The following CDH13 variants were observed in gnomAD, a reference collection of about 807,000 sequenced individuals.
CDH13 encodes the protein cadherin-13.
Under a neutral mutation model 63.8 loss-of-function variants are expected in CDH13, and 24 were observed. The observed-to-expected ratio is 0.38, with a 90% CI of 0.27 to 0.53. CDH13 has a LOEUF of 0.53. Among genes scored for constraint, CDH13 ranks in the 20% least tolerant of loss-of-function variants. CDH13 has a pLI of 0.85. For missense variants in CDH13, 1,049 were observed against 903.1 expected, an observed-to-expected ratio of 1.16 and a Z score of -2.07; for synonymous variants, 503 against 355.3, an observed-to-expected ratio of 1.42 and a Z score of -4.67.
At chr16:83,301,492 A>T (rs971761199) in intron 5 of CDH13, among the ~76,000 whole-genome samples, 1 of 152,092 alleles carries the variant, frequency 6.6e-6, no homozygotes, top group South Asian at 2.1e-4. Context: ...TGATGCTGCC[A>T]CATGTGTCAG....
chr16:83,015,604 A>G (rs1175448891), intron 2 of CDH13, among the ~76,000 whole-genome samples: 1 of 142,966 alleles, frequency 7.0e-6, no homozygotes, highest in Non-Finnish European at 1.5e-5. Flanking sequence ...TCTGTGATTC[A>G]TTATCGTAAA....
At chr16:83,029,020 C>G (rs1445968917) in intron 2 of CDH13, among the ~76,000 whole-genome samples, 1 of 152,192 alleles carries the variant, frequency 6.6e-6, no homozygotes, top group African/African-American at 2.4e-5. Context: ...CCTCAGTTTC[C>G]TTATCTAGAA....
At chr16:82,910,702 T>G (rs2041803637) in intron 2 of CDH13, among the ~76,000 whole-genome samples, 1 of 152,210 alleles carries the variant, frequency 6.6e-6, no homozygotes, top group Non-Finnish European at 1.5e-5. Context: ...TTGGTGGCCA[T>G]GTGACATTGT....
At chr16:83,541,627 A>G (rs548234023) in intron 7 of CDH13, among the ~76,000 whole-genome samples, 2 of 152,320 alleles carry the variant, frequency 1.3e-5, no homozygotes, top group South Asian at 4.1e-4. Context: ...AAGGACTCCA[A>G]AGGTCTAGAG....
intron 2 of CDH13, among the ~76,000 whole-genome samples, chr16:82,952,171 C>T (rs2151324880): frequency 6.6e-6 from 1 of 152,330 alleles, no homozygotes; most frequent in South Asian, 2.1e-4. Context: ...CTTTGAAGAA[C>T]TGGTCTCTTG....
intron 1 of CDH13, among the ~76,000 whole-genome samples, chr16:82,701,059 C>G (rs1372573781): frequency 1.3e-5 from 2 of 148,808 alleles, no homozygotes; most frequent in African/African-American, 2.5e-5. Flanking sequence ...CTCCATGAGT[C>G]AGTTCCTCTT....
chr16:83,195,831 G>A (rs1234283704), intron 4 of CDH13, among the ~76,000 whole-genome samples: 1 of 152,182 alleles, frequency 6.6e-6, no homozygotes, highest in Admixed American at 6.5e-5. Context: ...GTGTCCAACT[G>A]CTTCTTAGTA....
intron 7 of CDH13, among the ~76,000 whole-genome samples, chr16:83,501,436 C>G (rs2074281199): frequency 7.8e-6 from 1 of 128,592 alleles, no homozygotes; most frequent in South Asian, 2.9e-4. Context: ...CTCTAGCATT[C>G]TGGAATAAGC....
At chr16:82,818,570 G>A (rs1274527035) in intron 1 of CDH13, among the ~76,000 whole-genome samples, 3 of 152,130 alleles carry the variant, frequency 2.0e-5, no homozygotes, top group African/African-American at 7.2e-5. Flanking sequence ...TTAGAAAGGG[G>A]TGGGGAAGCA....
rs113761060 is a variant in CDH13, at chr16:82,755,994, G to A, written c.46-102368G>A. Among the ~76,000 whole-genome samples the A allele has an allele frequency of 3.9e-3, 601 of 152,288 alleles. 5 individuals are homozygous for A. Among genetic ancestry groups the A allele is most frequent in the African/African-American group, 0.013 (557 of 41,564 alleles). On this transcript the variant is annotated intron_variant, in intron 1 of 13. Coordinates refer to ENST00000567109, the MANE Select transcript of CDH13 (RefSeq NM_001257.5). The stretch of plus-strand genomic sequence containing the variant: ...TTAGGCAGAAAAGAAGTTGCAGAGC[G>A]TTCTAGGAGGAGTGAAATACTTGAG...
At chr16:82,783,966 T>A (rs2035886695) in intron 1 of CDH13, among the ~76,000 whole-genome samples, 1 of 152,166 alleles carries the variant, frequency 6.6e-6, no homozygotes, top group Admixed American at 6.5e-5. Flanking sequence ...GAAATTCAAT[T>A]TGTTTTTTTC....
intron 3 of CDH13, among the ~76,000 whole-genome samples, chr16:83,050,908 C>G (rs2030250624): frequency 6.6e-6 from 1 of 152,142 alleles, no homozygotes; most frequent in Non-Finnish European, 1.5e-5. Flanking sequence ...TCTTTAGTTC[C>G]TCACCACCTG....
chr16:83,198,513 A>C (rs1426250678), intron 4 of CDH13, among the ~76,000 whole-genome samples: 1 of 152,174 alleles, frequency 6.6e-6, no homozygotes, highest in African/African-American at 2.4e-5. Context: ...TATTATTCAG[A>C]TCTCCAGTCC....
intron 7 of CDH13, among the ~76,000 whole-genome samples, chr16:83,601,528 AAAG>A (rs1907795158): frequency 6.6e-6 from 1 of 152,182 alleles, no homozygotes; most frequent in African/African-American, 2.4e-5. Flanking sequence ...AAAAGACATG[AAAG>A]AAGTGTGGTA....
At chr16:82,967,216 C>T (rs1907974175) in intron 2 of CDH13, among the ~76,000 whole-genome samples, 1 of 152,048 alleles carries the variant, frequency 6.6e-6, no homozygotes, top group African/African-American at 2.4e-5. Context: ...GCCACCCCCA[C>T]CCCCATGGCT....
chr16:82,663,432 G>A (rs536556262), intron 1 of CDH13, among the ~76,000 whole-genome samples: 17 of 152,110 alleles, frequency 1.1e-4, no homozygotes, highest in East Asian at 3.9e-4. Flanking sequence ...TAATCCACAC[G>A]CCTCGGCCTC....
chr16:82,707,063 A>C (rs2031551207), intron 1 of CDH13, among the ~76,000 whole-genome samples: 1 of 152,204 alleles, frequency 6.6e-6, no homozygotes, highest in Non-Finnish European at 1.5e-5. Flanking sequence ...GGCGTGGACC[A>C]TCCCCTGTTT....
chr16:83,631,575 A>G (rs1327325052), intron 8 of CDH13, among the ~76,000 whole-genome samples: 1 of 152,128 alleles, frequency 6.6e-6, no homozygotes, highest in Non-Finnish European at 1.5e-5. Context: ...CTTGAGGTGG[A>G]CAGTGTCAAA....
chr16:83,392,309 G>T (rs1018347550), intron 6 of CDH13, among the ~76,000 whole-genome samples: 1 of 152,142 alleles, frequency 6.6e-6, no homozygotes, highest in Non-Finnish European at 1.5e-5. Flanking sequence ...CCTTAGCGCC[G>T]TGCCTCACGA....
Sources: gnomAD v4.1 joint callset for allele counts (sites outside exome capture counted in the v4.1 genomes callset) on GRCh38, gnomAD v4.1.1 for gene constraint, MANE v1.5 for transcripts, NCBI Gene and HGNC (gene_info 2026-07-23, HGNC 2026-07-21) for gene names.